Variants in AHCTF1 observed in about 807,000 individuals in gnomAD.
AHCTF1 encodes the protein AT-hook containing transcription factor 1.
In AHCTF1, 24 loss-of-function variants were observed where a neutral mutation model predicts 248.4. That is an observed-to-expected ratio of 0.10 (90% CI 0.07 to 0.14). The LOEUF is 0.14. Ranked by LOEUF, AHCTF1 falls within the 10% of genes least tolerant of loss-of-function variation. The pLI, the probability that AHCTF1 is intolerant of heterozygous loss-of-function variation, is 1.00. For missense variants in AHCTF1, 2,206 were observed against 2,636.2 expected, an observed-to-expected ratio of 0.84 and a Z score of 3.57; for synonymous variants, 786 against 929.8, an observed-to-expected ratio of 0.85 and a Z score of 2.81.
chr1:246,851,067 T>G lies in AHCTF1; in HGVS notation c.4939A>C (p.Ser1647Arg). The change falls in exon 33 of 36, where the codon AGT becomes CGT. Residue 1647 changes from serine to arginine, a missense_variant. Physicochemically the swap from Ser to Arg is moderately radical, Grantham distance 110. Around this residue, in one of 6 missense-constraint regions of AHCTF1, gnomAD observed 955 missense variants for 1,055.6 expected, o/e 0.90. Transcript: ENST00000648844. ...TCTACTTTTTGGGACTTTTGGTCAC[T>G]AGTTACGGCAGATGGCAAATTTGCA... ...QIANLPSAVTSDQKSQKVDTL... is the reference protein window; with the variant it reads ...QIANLPSAVTRDQKSQKVDTL... The G allele has an allele frequency of 6.2e-7, 1 of 1,613,976 alleles. No homozygotes were observed. The highest frequency in any genetic ancestry group is 8.5e-7 in the Non-Finnish European group (1 of 1,179,860).
chr1:246,907,872 T>A lies in AHCTF1; in HGVS notation c.557-114A>T, dbSNP rs965553971. 6.7e-6 allele frequency: 6 copies of A among 891,712 alleles called. No individual in the cohort carries two copies. The African/African-American group carries it at 1.0e-4, about 15-fold the overall frequency. 55.2% of individuals were successfully genotyped at this position (891,712 alleles called of 1,614,324 possible). On this transcript the variant is annotated intron_variant, in intron 4 of 35. Transcript: ENST00000648844. The stretch of plus-strand genomic sequence containing the variant: ...AGTCAACTGAGTTAAATGAAGTTAA[T>A]TGAAATTAAAAGATTAGTGATAACA...
intron 29 of AHCTF1, among the ~76,000 whole-genome samples, chr1:246,860,507 C>T (rs1396443061): frequency 2.0e-5 from 3 of 152,120 alleles, no homozygotes; most frequent in Non-Finnish European, 4.4e-5. Flanking sequence ...AAGGTCTGTG[C>T]ATTATGTCTA....
chr1:246,888,311 T>C (rs1663972949), intron 18 of AHCTF1, 78 bp from the exon 19 acceptor site: 2 of 1,612,118 alleles, frequency 1.2e-6, no homozygotes, highest in Admixed American at 1.7e-5. Flanking sequence ...TTTCCCAAGT[T>C]TGTGCCAGAC....
chr1:246,886,911 T>A (rs938003950), intron 20 of AHCTF1, among the ~76,000 whole-genome samples: 4 of 152,200 alleles, frequency 2.6e-5, no homozygotes, highest in Admixed American at 2.6e-4. Flanking sequence ...AATCTTGCCT[T>A]CCATGGTTCC....
Position 246,861,307 on chromosome 1 carries a change from G to C in AHCTF1, c.3736-12C>G. The C allele has an allele frequency of 6.3e-7, 1 of 1,587,142 alleles. No individual in the cohort carries two copies. Reference sequence around the variant, plus strand: ...CTATCATCTGCAGCCTGTAAAGTAAGATTTTGAAAAGAAAAAAATTAGTAA... The same window carrying C: ...CTATCATCTGCAGCCTGTAAAGTAACATTTTGAAAAGAAAAAAATTAGTAA... On this transcript the variant is annotated splice_polypyrimidine_tract_variant and intron_variant, in intron 28 of 35. Coordinates refer to ENST00000648844, the MANE Select transcript of AHCTF1 (RefSeq NM_001323342.2).
chr1:246,915,354 G>A (rs768104236), intron 3 of AHCTF1, among the ~76,000 whole-genome samples: 5 of 151,840 alleles, frequency 3.3e-5, no homozygotes, highest in Non-Finnish European at 7.4e-5. Context: ...TTACTTCACC[G>A]TTGATTTCAA....
chr1:246,921,064 C>T (rs748659437), intron 1 of AHCTF1, among the ~76,000 whole-genome samples: 1 of 152,006 alleles, frequency 6.6e-6, no homozygotes, highest in African/African-American at 2.4e-5. Context: ...TGCACTCCAG[C>T]CTGGGCAACA....
chr1:246,898,999 GA>G (rs1226283258), intron 11 of AHCTF1, among the ~76,000 whole-genome samples: 2 of 152,202 alleles, frequency 1.3e-5, no homozygotes, highest in Non-Finnish European at 2.9e-5. Flanking sequence ...GGAGGCAGAA[GA>G]ATCACTTGAA....
intron 33 of AHCTF1, 59 bp downstream of exon 33, chr1:246,849,556 A>T: frequency 6.5e-7 from 1 of 1,526,744 alleles, no homozygotes; most frequent in Non-Finnish European, 8.8e-7. Context: ...ACAAATAACC[A>T]AATTTTAAGC....
Position 246,922,982 on chromosome 1 carries a change from C to CAA in AHCTF1, c.-7-4607_-7-4606dup, listed in dbSNP as rs34313695. Among the ~76,000 whole-genome samples, 72 of 63,770 alleles carry CAA rather than the reference C, an allele frequency of 1.1e-3. 1 individual carries two copies. The highest frequency in any genetic ancestry group is 1.4e-3 in the Admixed American group (7 of 5,064). The allele number at this position is 63,770 out of a possible 152,430, so 41.8% of individuals were successfully genotyped here. On this transcript the variant is annotated intron_variant, in intron 1 of 35. Transcript: ENST00000648844. ...TGGGCGACAGAGCGAGACTCTGTCT[C>CAA]AAAAAAAAAAAAAAAAAAAAAAGTA...
intron 29 of AHCTF1, 150 bp from the exon 30 acceptor site, chr1:246,857,964 C>CTTCCT (rs111386980): frequency 2.0e-6 from 1 of 493,032 alleles, no homozygotes; most frequent in Admixed American, 4.0e-5. Flanking sequence ...ACACTTTCTT[C>CTTCCT]TTTTTTTTTT....
At chr1:246,852,770 T>C (rs916336458) in intron 32 of AHCTF1, among the ~76,000 whole-genome samples, 2 of 152,178 alleles carry the variant, frequency 1.3e-5, no homozygotes, top group Admixed American at 1.3e-4. Flanking sequence ...TATTTATTTT[T>C]TCCCTGAGAC....
At chr1:246,888,565 A>G (rs1212294043) in intron 17 of AHCTF1, 48 bp from the exon 18 acceptor site, 3 of 1,590,454 alleles carry the variant, frequency 1.9e-6, no homozygotes, top group African/African-American at 1.4e-5. Context: ...CTGTTAATTA[A>G]TATCAAAGCA....
intron 13 of AHCTF1, 85 bp from the exon 14 acceptor site, chr1:246,894,833 C>T (rs976295650): frequency 8.6e-7 from 1 of 1,158,310 alleles, no homozygotes; most frequent in Non-Finnish European, 1.3e-6. Flanking sequence ...GCATGGCAGA[C>T]AGCACCCTAA....
At chr1:246,868,498 T>A (rs992142479) in intron 24 of AHCTF1, among the ~76,000 whole-genome samples, 16 of 150,902 alleles carry the variant, frequency 1.1e-4, no homozygotes, top group Non-Finnish European at 2.2e-4. Context: ...CAAGTGATCC[T>A]CCCTCCTCGG....
chr1:246,912,854 A>G (rs1429442137), intron 4 of AHCTF1, among the ~76,000 whole-genome samples: 1 of 152,208 alleles, frequency 6.6e-6, no homozygotes, highest in Non-Finnish European at 1.5e-5. Flanking sequence ...TAGATCCTAC[A>G]TTGCTGGGTA....
intron 21 of AHCTF1, among the ~76,000 whole-genome samples, 166 bp from the exon 22 acceptor site, chr1:246,877,468 G>A (rs1248936070): frequency 6.6e-6 from 1 of 152,158 alleles, no homozygotes; most frequent in Non-Finnish European, 1.5e-5. Context: ...TAATAATCTT[G>A]CTAAGAATGT....
intron 19 of AHCTF1, 50 bp downstream of exon 19, chr1:246,888,127 T>G: frequency 1.3e-6 from 2 of 1,582,780 alleles, no homozygotes; most frequent in South Asian, 1.1e-5. Flanking sequence ...CTCTTGAAAT[T>G]TTATAATTTT....
chr1:246,868,611 T>TAAA (rs36102148), intron 24 of AHCTF1, among the ~76,000 whole-genome samples: 135 of 132,642 alleles, frequency 1.0e-3, no homozygotes, highest in African/African-American at 1.9e-3. Context: ...TGGTAAGTGG[T>TAAA]AAAAAAAAAA....
Sources: allele counts gnomAD v4.1 joint callset (sites outside exome capture counted in the v4.1 genomes callset), GRCh38; gene constraint gnomAD v4.1.1; regional missense constraint gnomAD v4.1.1; transcripts MANE v1.5; gene names NCBI Gene and HGNC (gene_info 2026-07-23, HGNC 2026-07-21).